ULK4: variants seen among roughly 807,000 people sequenced by gnomAD.
The protein encoded by ULK4 is inactive serine/threonine-protein kinase ULK4.
A neutral mutation model predicts 160.6 loss-of-function variants in ULK4; 133 were observed. The observed-to-expected ratio is 0.83, with a 90% confidence interval of 0.72 to 0.96. The LOEUF (loss-of-function observed/expected upper bound fraction) is 0.96, where lower values mean the gene tolerates loss of function less well. Among genes scored for constraint, ULK4 ranks in the 40% least tolerant of loss-of-function variants. The pLI is 0.00. For missense variants in ULK4, 1,580 were observed against 1,499.5 expected (o/e 1.05, Z -0.89); for synonymous variants, 534 against 539.8 (o/e 0.99, Z 0.15).
chr3:41,343,295 CTTTTTTTTTTTTTTTTTT>C (rs55691966), intron 35 of ULK4, among the ~76,000 whole-genome samples: 7,019 of 86,102 alleles, frequency 0.082, 505 homozygotes, highest in East Asian at 0.26. Context: ...AGCCCAAAAA[CTTTTTTTTTTTTTTTTTT>C]TTTTTTTTTG....
chr3:41,508,060 G>A (rs1394526974), intron 32 of ULK4, among the ~76,000 whole-genome samples: 1 of 152,200 alleles, frequency 6.6e-6, no homozygotes, highest in Non-Finnish European at 1.5e-5. Flanking sequence ...ACTGGTCACT[G>A]GCTCCTCTAC....
chr3:41,471,952 TGAA>T (rs781310965), intron 32 of ULK4, among the ~76,000 whole-genome samples: 81 of 130,268 alleles, frequency 6.2e-4, no homozygotes, highest in Non-Finnish European at 9.5e-4. Context: ...AAAAACAAAA[TGAA>T]GAATAAGCTA....
At chr3:41,495,870 C>T (rs529804695) in intron 32 of ULK4, among the ~76,000 whole-genome samples, 1 of 151,886 alleles carries the variant, frequency 6.6e-6, no homozygotes, top group Admixed American at 6.6e-5. Flanking sequence ...AAATCAAAAC[C>T]ACAATGAGAT....
At chr3:41,672,619 G>A (rs920161794) in intron 29 of ULK4, among the ~76,000 whole-genome samples, 1 of 152,092 alleles carries the variant, frequency 6.6e-6, no homozygotes, top group South Asian at 2.1e-4. Context: ...AGAAGGAATA[G>A]TTCTACTCTT....
chr3:41,954,103 G>T (rs570216950), intron 2 of ULK4, among the ~76,000 whole-genome samples: 2 of 151,458 alleles, frequency 1.3e-5, no homozygotes, highest in Non-Finnish European at 2.9e-5. Context: ...GCGTGAACCC[G>T]GGAGGCACAG....
chr3:41,794,927 G>GT (rs1336673325), intron 20 of ULK4, among the ~76,000 whole-genome samples: 1 of 152,078 alleles, frequency 6.6e-6, no homozygotes, highest in Non-Finnish European at 1.5e-5. Context: ...ATGTCTGAAG[G>GT]TAAGTTTGGA....
intron 30 of ULK4, among the ~76,000 whole-genome samples, chr3:41,634,628 T>G (rs2125707648): frequency 6.6e-6 from 1 of 152,340 alleles, no homozygotes; most frequent in Admixed American, 6.5e-5. Context: ...CGGGAGCCCA[T>G]TCTGCTGTGC....
chr3:41,289,507 G>C (rs915217873), intron 35 of ULK4, among the ~76,000 whole-genome samples: 1 of 152,190 alleles, frequency 6.6e-6, no homozygotes, highest in Non-Finnish European at 1.5e-5. Flanking sequence ...GACTTAATAT[G>C]ATTTTGGTGC....
chr3:41,572,250 C>G (rs1170884214), intron 31 of ULK4, among the ~76,000 whole-genome samples: 1 of 152,042 alleles, frequency 6.6e-6, no homozygotes, highest in Non-Finnish European at 1.5e-5. Context: ...GTCACCCAGG[C>G]CAGTGAGCAC....
At chr3:41,721,066 A>C (rs1431410806) in intron 22 of ULK4, among the ~76,000 whole-genome samples, 3 of 151,850 alleles carry the variant, frequency 2.0e-5, no homozygotes, top group Non-Finnish European at 1.5e-5. Flanking sequence ...GCTACAAGAT[A>C]TGTTTTTAAG....
At chr3:41,855,931 C>T (rs767112109) in intron 17 of ULK4, among the ~76,000 whole-genome samples, 17 of 152,070 alleles carry the variant, frequency 1.1e-4, no homozygotes, top group Non-Finnish European at 2.4e-4. Context: ...CTAGGTAAAA[C>T]GAGCACCAAA....
At chr3:41,422,633 T>C (rs1484731300) in intron 34 of ULK4, among the ~76,000 whole-genome samples, 1 of 152,120 alleles carries the variant, frequency 6.6e-6, no homozygotes, top group East Asian at 1.9e-4. Flanking sequence ...TGAAAGTTTG[T>C]GATACGTCAT....
chr3:41,426,977 G>T (rs1319339930), intron 34 of ULK4, among the ~76,000 whole-genome samples: 1 of 152,088 alleles, frequency 6.6e-6, no homozygotes, highest in East Asian at 1.9e-4. Context: ...ATGAATCCAG[G>T]AGCTGGTTTT....
intron 36 of ULK4, among the ~76,000 whole-genome samples, chr3:41,248,552 T>C (rs2078686643): frequency 6.6e-6 from 1 of 152,228 alleles, no homozygotes; most frequent in Non-Finnish European, 1.5e-5. Flanking sequence ...CTGATTGGAA[T>C]TGAGCCTTCT....
At chr3:41,444,409 C>T (rs1301080535) in intron 34 of ULK4, among the ~76,000 whole-genome samples, 3 of 148,774 alleles carry the variant, frequency 2.0e-5, no homozygotes, top group African/African-American at 5.1e-5. Context: ...ATATAATCTC[C>T]TTACAGATAC....
intron 5 of ULK4, among the ~76,000 whole-genome samples, chr3:41,929,827 G>T (rs1038326194): frequency 1.3e-5 from 2 of 152,036 alleles, no homozygotes; most frequent in African/African-American, 2.4e-5. Context: ...TCTGCTCAAA[G>T]AAATAAGAGA....
intron 17 of ULK4, among the ~76,000 whole-genome samples, chr3:41,870,342 G>A (rs1697043322): frequency 6.6e-6 from 1 of 152,128 alleles, no homozygotes; most frequent in Admixed American, 6.5e-5. Flanking sequence ...GTGACTGTTA[G>A]ATAATTTTAT....
At chr3:41,274,651 C>T (rs570091039) in intron 35 of ULK4, among the ~76,000 whole-genome samples, 1 of 152,266 alleles carries the variant, frequency 6.6e-6, no homozygotes, top group African/African-American at 2.4e-5. Flanking sequence ...GGGCCTTGGC[C>T]TAGAATACAC....
At chr3:41,457,436 G>C (rs1189831977) in intron 33 of ULK4, among the ~76,000 whole-genome samples, 3 of 152,156 alleles carry the variant, frequency 2.0e-5, no homozygotes, top group African/African-American at 7.2e-5. Context: ...AAGTTGCCAA[G>C]AGTTCCAGAA....
Sources: allele counts gnomAD v4.1 joint callset (sites outside exome capture counted in the v4.1 genomes callset), GRCh38; gene constraint gnomAD v4.1.1; transcripts MANE v1.5; gene names NCBI Gene and HGNC (gene_info 2026-07-23, HGNC 2026-07-21).